The following UGGT1 variants were observed in gnomAD, a reference collection of about 807,000 sequenced individuals.
UGGT1 encodes UDP-glucose glycoprotein glucosyltransferase 1.
UGGT1 carries 107 observed loss-of-function variants against 203.9 expected under a neutral mutation model. The ratio of observed to expected loss-of-function variants is 0.52; its 90% CI spans 0.45 to 0.62. The LOEUF is 0.62. UGGT1 is among the 20% of genes least tolerant of loss of function. The pLI, the probability that UGGT1 is intolerant of heterozygous loss-of-function variation, is 0.00. For missense variants in UGGT1, 1,673 were observed against 1,867.2 expected (o/e 0.90, Z 1.92); for synonymous variants, 628 against 653.5 (o/e 0.96, Z 0.59).
At chr2:128,094,410 C>T (rs1573480123) in intron 1 of UGGT1, among the ~76,000 whole-genome samples, 1 of 152,148 alleles carries the variant, frequency 6.6e-6, no homozygotes, top group East Asian at 1.9e-4. Flanking sequence ...AAATGTTTTA[C>T]TACAACAATC....
At chr2:128,175,105 A>G (rs958503991) in intron 31 of UGGT1, among the ~76,000 whole-genome samples, 12 of 152,258 alleles carry the variant, frequency 7.9e-5, no homozygotes, top group African/African-American at 1.9e-4. Context: ...TGTGCTAACA[A>G]TATCCCAGAA....
intron 19 of UGGT1, among the ~76,000 whole-genome samples, chr2:128,154,671 A>G (rs971955083): frequency 6.6e-6 from 1 of 152,146 alleles, no homozygotes; most frequent in African/African-American, 2.4e-5. Context: ...ATAGTATTCT[A>G]TGGATAGTAG....
chr2:128,177,020 TA>T, intron 32 of UGGT1, 122 bp downstream of exon 32: 1 of 842,780 alleles, frequency 1.2e-6, no homozygotes, highest in Middle Eastern at 3.5e-4. Context: ...GATACTGCTT[TA>T]AGGCAAAATG....
intron 35 of UGGT1, among the ~76,000 whole-genome samples, chr2:128,180,456 A>G (rs1691634612): frequency 6.6e-6 from 1 of 152,230 alleles, no homozygotes; most frequent in Non-Finnish European, 1.5e-5. Context: ...AGAATCTGAA[A>G]GACTTATTCA....
chr2:128,171,163 G>GA (rs753612000), intron 27 of UGGT1, 42 bp from the exon 28 acceptor site: 47 of 1,567,296 alleles, frequency 3.0e-5, no homozygotes, highest in Admixed American at 1.1e-4. Flanking sequence ...AATTTCTGAA[G>GA]AAAAAAATCC....
chr2:128,134,807 A>T, intron 14 of UGGT1, 69 bp from the exon 15 acceptor site: 1 of 1,430,134 alleles, frequency 7.0e-7, no homozygotes, highest in South Asian at 1.2e-5. Context: ...GTGACTCATA[A>T]CATTTTTCTC....
Position 128,160,522 on chromosome 2 carries a change from T to A in UGGT1, c.2625T>A (p.Ser875=). 6.2e-7 allele frequency: 1 copy of A among 1,613,514 alleles called. No individual in the cohort carries two copies. The highest frequency in any genetic ancestry group is 8.5e-7 in the Non-Finnish European group (1 of 1,179,856). Residue 875 remains serine (S), a synonymous_variant, in exon 24 of 41, where the codon TCT becomes TCA. Transcript: ENST00000259253. ...CTTCCAAAATGGATTTCATTTTGTC[T>A]CATGCCGTGTACTGCAGGGATGTTC... ...FESSKMDFIL[S]HAVYCRDVLK... is the part of the protein sequence containing the mutation.
chr2:128,130,226 G>A (rs6738354), intron 13 of UGGT1, among the ~76,000 whole-genome samples: 66,824 of 147,582 alleles, frequency 0.45, 15,383 homozygotes, highest in East Asian at 0.66. Flanking sequence ...ACGCCACTGC[G>A]CTCCAGTCTG....
rs778023292 is a variant in UGGT1 at position 128,143,100 on chromosome 2, A to G, written c.1726A>G (p.Asn576Asp). The G allele has an allele frequency of 1.1e-5, 17 of 1,601,868 alleles. No homozygotes were observed. The Admixed American group carries it at 2.9e-4, about 27-fold the overall frequency. Reference protein sequence around the residue: ...HAFQTLTHIYNKVRTGEKVKV... With the variant: ...HAFQTLTHIYDKVRTGEKVKV... Reference sequence around the variant, plus strand: ...CTGTTTTTTCTTTCTTCAGATCTATAACAAGGTGAGGACTGGAGAAAAAGT... The same window carrying G: ...CTGTTTTTTCTTTCTTCAGATCTATGACAAGGTGAGGACTGGAGAAAAAGT... Residue 576 changes from asparagine (N) to aspartate (D), a missense_variant, in exon 17 of 41, where the codon AAC becomes GAC. This residue lies in a region of UGGT1 where 1,073 missense variants were observed against 1,078.7 expected (regional missense o/e 0.99). Coordinates refer to ENST00000259253, the MANE Select transcript of UGGT1 (RefSeq NM_020120.4).
intron 18 of UGGT1, 63 bp downstream of exon 18, chr2:128,146,030 C>T (rs768774356): frequency 3.8e-5 from 60 of 1,568,716 alleles, no homozygotes; most frequent in Non-Finnish European, 4.6e-5. Flanking sequence ...TTTGTTGCCT[C>T]TATAGTAGGC....
intron 18 of UGGT1, among the ~76,000 whole-genome samples, chr2:128,149,856 G>A (rs1211759962): frequency 6.6e-6 from 1 of 152,120 alleles, no homozygotes; most frequent in Non-Finnish European, 1.5e-5. Context: ...CAGCTACTCG[G>A]GAGGCTGAGG....
chr2:128,184,775 G>A lies in UGGT1; in HGVS notation c.4359+986G>A, dbSNP rs371273144. Among the ~76,000 whole-genome samples, 336 of 152,164 alleles carry A rather than the reference G, an allele frequency of 2.2e-3. 3 individuals carry two copies. The highest frequency in any genetic ancestry group is 7.5e-3 in the African/African-American group (311 of 41,502). On this transcript the variant is annotated intron_variant, in intron 38 of 40. Coordinates refer to ENST00000259253, the MANE Select transcript of UGGT1 (RefSeq NM_020120.4). ...GCACTCACTGCAACCTCCACCTCCC[G>A]GGTTCAAGTGATCCTCCTGCCTCAG...
chr2:128,120,051 A>C, intron 8 of UGGT1, among the ~76,000 whole-genome samples: 1 of 151,752 alleles, frequency 6.6e-6, no homozygotes, highest in Middle Eastern at 3.2e-3. Flanking sequence ...GGCTGGGATT[A>C]CAGGCGTGAG....
In UGGT1 at chr2:128,178,572, C is replaced by T. The variant is rs375962983; in HGVS notation, c.3815+3C>T. ...CATCTCTACGAAAGATTTCTTCGGTCAGTCTTGTTGATTATTTCATTATAT... is the reference window on the plus strand; with the variant it reads ...CATCTCTACGAAAGATTTCTTCGGTTAGTCTTGTTGATTATTTCATTATAT... On this transcript the variant is annotated splice_donor_region_variant and intron_variant, in intron 34 of 40. Transcript: ENST00000259253. 1.2e-6 allele frequency: 2 copies of T among 1,603,292 alleles called. No individual in the cohort carries two copies. Among genetic ancestry groups the T allele is most frequent in the East Asian group, 4.5e-5 (2 of 44,696 alleles).
intron 22 of UGGT1, among the ~76,000 whole-genome samples, chr2:128,158,237 G>A (rs1323575640): frequency 6.6e-6 from 1 of 152,168 alleles, no homozygotes; most frequent in East Asian, 1.9e-4. Context: ...TTTAATTGAA[G>A]TAAAATGTAG....
At chr2:128,150,132 G>A (rs1573576252) in intron 18 of UGGT1, among the ~76,000 whole-genome samples, 1 of 152,082 alleles carries the variant, frequency 6.6e-6, no homozygotes, top group Non-Finnish European at 1.5e-5. Context: ...TGAACTAAAT[G>A]CACTACAAAA....
At chr2:128,121,366 A>G in intron 10 of UGGT1, 68 bp downstream of exon 10, 1 of 1,011,624 alleles carries the variant, frequency 9.9e-7, no homozygotes, top group Non-Finnish European at 1.4e-6. Flanking sequence ...TTGCCAAATG[A>G]GGTAATAACA....
intron 25 of UGGT1, among the ~76,000 whole-genome samples, chr2:128,162,849 C>T (rs2104750818): frequency 6.6e-6 from 1 of 152,296 alleles, no homozygotes; most frequent in Admixed American, 6.5e-5. Context: ...TGAGAGATGG[C>T]TCTCGATCTT....
chr2:128,099,625 C>G (rs559622943), intron 2 of UGGT1, among the ~76,000 whole-genome samples: 1 of 152,330 alleles, frequency 6.6e-6, no homozygotes, highest in South Asian at 2.1e-4. Flanking sequence ...GCTCAGGAGC[C>G]TAGCAGACTT....
Sources: allele counts gnomAD v4.1 joint callset (sites outside exome capture counted in the v4.1 genomes callset), GRCh38; gene constraint gnomAD v4.1.1; regional missense constraint gnomAD v4.1.1; transcripts MANE v1.5; gene names NCBI Gene and HGNC (gene_info 2026-07-23, HGNC 2026-07-21).